FRMD4A: variants seen among roughly 807,000 people sequenced by gnomAD.
FRMD4A encodes FERM domain-containing protein 4A.
A neutral mutation model predicts 129.1 loss-of-function variants in FRMD4A; 29 were observed. That is an observed-to-expected ratio of 0.22 (90% CI 0.17 to 0.31). The LOEUF (loss-of-function observed/expected upper bound fraction) is 0.31, where lower values mean the gene tolerates loss of function less well. Among genes scored for constraint, FRMD4A ranks in the 10% least tolerant of loss-of-function variants. The pLI, the probability that FRMD4A is intolerant of heterozygous loss-of-function variation, is 1.00. For missense variants in FRMD4A, 1,272 were observed against 1,375.8 expected (o/e 0.92, Z 1.19); for synonymous variants, 634 against 571.6 (o/e 1.11, Z -1.56).
chr10:14,139,081 A>G (rs1839699258), intron 2 of FRMD4A, among the ~76,000 whole-genome samples: 1 of 152,178 alleles, frequency 6.6e-6, no homozygotes, highest in Non-Finnish European at 1.5e-5. Context: ...TCTGTGTCCT[A>G]TTGTTTGTTA....
chr10:14,228,966 A>G lies in FRMD4A; in HGVS notation c.45+101092T>C, dbSNP rs141721967. Among the ~76,000 whole-genome samples, 552 of 152,300 alleles carry G rather than the reference A, an allele frequency of 3.6e-3. 4 individuals are homozygous for G. Among genetic ancestry groups the G allele is most frequent in the African/African-American group, 0.012 (487 of 41,566 alleles). The stretch of plus-strand genomic sequence containing the variant: ...AATAGCTGTTTAAGCACGGTGTGAC[A>G]GTAGCATTAAAATATGCCCCACGGT... On this transcript the variant is annotated intron_variant, in intron 2 of 24. Transcript: ENST00000357447.
chr10:14,290,484 C>A (rs180934499), intron 2 of FRMD4A, among the ~76,000 whole-genome samples: 1 of 152,082 alleles, frequency 6.6e-6, no homozygotes, highest in Non-Finnish European at 1.5e-5. Flanking sequence ...GGGGAAGGGA[C>A]AATCTTTTCA....
At chr10:13,779,653 C>A (rs756405723) in intron 6 of FRMD4A, among the ~76,000 whole-genome samples, 1 of 152,178 alleles carries the variant, frequency 6.6e-6, no homozygotes, top group Non-Finnish European at 1.5e-5. Flanking sequence ...ACCTCAAACT[C>A]TTCCGCTTCT....
intron 3 of FRMD4A, among the ~76,000 whole-genome samples, chr10:13,826,585 G>C (rs1417553102): frequency 6.6e-6 from 1 of 152,138 alleles, no homozygotes; most frequent in East Asian, 1.9e-4. Context: ...TAAGTTGGAA[G>C]TTCCCTAAGT....
chr10:14,184,239 C>T (rs1187789736), intron 2 of FRMD4A, among the ~76,000 whole-genome samples: 1 of 143,292 alleles, frequency 7.0e-6, no homozygotes, highest in Non-Finnish European at 1.5e-5. Flanking sequence ...TCAAGCGATT[C>T]TCCTGCCTCA....
At chr10:13,684,936 G>C in intron 15 of FRMD4A, 1 of 984,682 alleles carries the variant, frequency 1.0e-6, no homozygotes, top group Non-Finnish European at 1.2e-6. Context: ...GTAAGGAAAA[G>C]TTTTGGCAGA....
At position 13,858,929 on chromosome 10, in the gene FRMD4A, A is replaced by T; in HGVS notation, c.46-17T>A. ...CTCCGTCATCTAAGAGGGAAGAGAA[A>T]TGGTAGTCACTGAGAGTCTAGCAGC... On this transcript the variant is annotated splice_polypyrimidine_tract_variant and intron_variant, in intron 2 of 24. Coordinates refer to ENST00000357447, the MANE Select transcript of FRMD4A (RefSeq NM_018027.5). 6.6e-7 allele frequency: 1 copy of T among 1,512,696 alleles called. No individual in the cohort carries two copies. Among genetic ancestry groups the T allele is most frequent in the Non-Finnish European group, 9.2e-7 (1 of 1,087,636 alleles). 93.7% of individuals were successfully genotyped at this position (1,512,696 alleles called of 1,614,324 possible).
intron 2 of FRMD4A, among the ~76,000 whole-genome samples, chr10:14,279,464 G>A (rs1367964890): frequency 6.6e-6 from 1 of 152,102 alleles, no homozygotes; most frequent in Non-Finnish European, 1.5e-5. Context: ...CTCCCAAAGT[G>A]CTACAATTAC....
chr10:13,869,756 G>A (rs2094418626), intron 2 of FRMD4A, among the ~76,000 whole-genome samples: 1 of 152,210 alleles, frequency 6.6e-6, no homozygotes, highest in Non-Finnish European at 1.5e-5. Flanking sequence ...CACTGTTAGA[G>A]TGTTTTCTGA....
chr10:13,763,305 T>G (rs2092150314), intron 6 of FRMD4A, among the ~76,000 whole-genome samples: 1 of 152,182 alleles, frequency 6.6e-6, no homozygotes, highest in Non-Finnish European at 1.5e-5. Flanking sequence ...AAACTAAACT[T>G]CAGAACTTTC....
chr10:13,646,879 G>T lies in FRMD4A; in HGVS notation c.*159C>A. ...TGCGTCTGGGTAAGGCAAATGAGAG[G>T]CAGTGAGGTGATCTCAGAATGGCGT... is the stretch of plus-strand genomic sequence containing the variant. On this transcript the variant is annotated 3_prime_UTR_variant, in exon 25 of 25. Transcript: ENST00000357447. 1 of 351,106 alleles carries T rather than the reference G, an allele frequency of 2.8e-6. No individual in the cohort carries two copies. Among genetic ancestry groups the T allele is most frequent in the Non-Finnish European group, 4.0e-6 (1 of 249,018 alleles). 21.7% of individuals were successfully genotyped at this position (351,106 alleles called of 1,614,324 possible). A position where few individuals can be genotyped will look rare whatever the true frequency, so the allele number is the denominator to read the frequency against.
intron 2 of FRMD4A, among the ~76,000 whole-genome samples, chr10:14,129,207 T>C (rs954222434): frequency 1.3e-5 from 2 of 151,636 alleles, no homozygotes; most frequent in African/African-American, 2.4e-5. Context: ...CTGTGAACGA[T>C]AGTGAAGTAC....
rs907840198 is a variant in FRMD4A at position 13,646,106 on chromosome 10, C to T, written c.*932G>A. 9 of 152,564 alleles carry T rather than the reference C, an allele frequency of 5.9e-5. No individual in the cohort carries two copies. Among genetic ancestry groups the T allele is most frequent in the African/African-American group, 1.7e-4 (7 of 41,424 alleles). The allele number at this position is 152,564 out of a possible 1,614,324, so 9.5% of individuals were successfully genotyped here. A position where few individuals can be genotyped will look rare whatever the true frequency, so the allele number is the denominator to read the frequency against. On this transcript the variant is annotated 3_prime_UTR_variant, in exon 25 of 25. Coordinates refer to ENST00000357447, the MANE Select transcript of FRMD4A (RefSeq NM_018027.5). ...ATGGATGGCGACTGTGAGTCAGCAA[C>T]GCCAGCCAAGACTTCCTCGCCTTTA...
chr10:14,294,231 T>C (rs1323944035), intron 2 of FRMD4A, among the ~76,000 whole-genome samples: 1 of 152,244 alleles, frequency 6.6e-6, no homozygotes, highest in Non-Finnish European at 1.5e-5. Flanking sequence ...TATATTATTT[T>C]GTGCATATGA....
In FRMD4A at chr10:13,825,873, A is replaced by C. The variant is rs140063719; in HGVS notation, c.112-14965T>G. On this transcript the variant is annotated intron_variant, in intron 3 of 24. Transcript: ENST00000357447. ...ACTACTGCATCTAACGGACTTGAGCATCTGATGATTTTGGTATCTTAGCAG... is the reference window on the plus strand; with the variant it reads ...ACTACTGCATCTAACGGACTTGAGCCTCTGATGATTTTGGTATCTTAGCAG... 6.6e-4 allele frequency among the ~76,000 whole-genome samples: 101 copies of C among 152,380 alleles called. 2 individuals carry two copies. The highest frequency in any genetic ancestry group is 2.3e-3 in the African/African-American group (95 of 41,592).
chr10:13,709,681 C>A (rs555755452), intron 12 of FRMD4A, among the ~76,000 whole-genome samples: 2 of 152,292 alleles, frequency 1.3e-5, no homozygotes, highest in South Asian at 4.1e-4. Flanking sequence ...GGTCCCTCAG[C>A]CGCTATCCTG....
chr10:13,832,487 G>A (rs935263440), intron 3 of FRMD4A, among the ~76,000 whole-genome samples: 1 of 152,216 alleles, frequency 6.6e-6, no homozygotes, highest in Non-Finnish European at 1.5e-5. Flanking sequence ...AGCCAGAGAT[G>A]CCTGGGGCAC....
At chr10:14,286,926 A>G in intron 2 of FRMD4A, among the ~76,000 whole-genome samples, 1 of 152,132 alleles carries the variant, frequency 6.6e-6, no homozygotes, top group East Asian at 1.9e-4. Context: ...CACCAAAAGA[A>G]GTGAAATGGC....
At chr10:14,164,802 G>T (rs1207867462) in intron 2 of FRMD4A, among the ~76,000 whole-genome samples, 3 of 152,208 alleles carry the variant, frequency 2.0e-5, no homozygotes, top group Admixed American at 1.3e-4. Flanking sequence ...TGTCCAACCT[G>T]CAACCCACGA....
Sources: allele counts gnomAD v4.1 joint callset (sites outside exome capture counted in the v4.1 genomes callset), GRCh38; gene constraint gnomAD v4.1.1; transcripts MANE v1.5; gene names NCBI Gene and HGNC (gene_info 2026-07-23, HGNC 2026-07-21).